Variants in ASAH2 observed in about 807,000 individuals in gnomAD.
The protein encoded by ASAH2 is N-acylsphingosine amidohydrolase 2.
ASAH2 carries 58 observed loss-of-function variants against 82.9 expected under a neutral mutation model. The observed-to-expected ratio is 0.70, with a 90% CI of 0.57 to 0.87. The LOEUF (loss-of-function observed/expected upper bound fraction) is 0.87, where lower values mean the gene tolerates loss of function less well. Among genes scored for constraint, ASAH2 ranks in the 40% least tolerant of loss-of-function variants. ASAH2 has a pLI of 0.00. For missense variants in ASAH2, 779 were observed against 834.0 expected, an observed-to-expected ratio of 0.93 and a Z score of 0.81; for synonymous variants, 276 against 289.7, an observed-to-expected ratio of 0.95 and a Z score of 0.48.
At chr10:50,238,119 C>T in intron 4 of ASAH2, among the ~76,000 whole-genome samples, 1 of 152,290 alleles carries the variant, frequency 6.6e-6, no homozygotes, top group Non-Finnish European at 1.5e-5. Flanking sequence ...AACTCCTCAT[C>T]ATGATCAATT....
chr10:50,203,782 A>G, intron 14 of ASAH2, 103 bp from the exon 15 acceptor site: 1 of 945,788 alleles, frequency 1.1e-6, no homozygotes, highest in Non-Finnish European at 1.7e-6. Flanking sequence ...GGCTCATCAC[A>G]CAATAGTAAA....
chr10:50,236,609 A>G (rs1846165721), intron 4 of ASAH2, among the ~76,000 whole-genome samples: 1 of 152,182 alleles, frequency 6.6e-6, no homozygotes, highest in Admixed American at 6.6e-5. Context: ...CAACAAAATA[A>G]TAATAACAAT....
intron 7 of ASAH2, 96 bp from the exon 8 acceptor site, chr10:50,218,726 A>C: frequency 7.4e-7 from 1 of 1,349,580 alleles, no homozygotes; most frequent in Admixed American, 1.7e-5. Flanking sequence ...CAGCAGGAAA[A>C]AATATTTTTA....
At position 50,204,906 on chromosome 10, in the gene ASAH2, A is replaced by G. The variant is rs1845253975; in HGVS notation, c.1580T>C (p.Ile527Thr). Residue 527 changes from isoleucine to threonine, a missense_variant, in exon 14 of 21, where the codon ATT becomes ACT. Transcript: ENST00000682911. ...WHPDIVDVQIITLGSLAITAI... is the reference protein window; with the variant it reads ...WHPDIVDVQITTLGSLAITAI... ...AGTTATGGCCAAGGACCCAAGGGTAATAATCTGAACATCAACAATGTCTGG... is the reference window on the plus strand; with the variant it reads ...AGTTATGGCCAAGGACCCAAGGGTAGTAATCTGAACATCAACAATGTCTGG... 6.8e-6 allele frequency: 11 copies of G among 1,611,790 alleles called. No individual in the cohort carries two copies. The highest frequency in any genetic ancestry group is 1.7e-5 in the Admixed American group (1 of 59,682).
chr10:50,219,102 C>T (rs1433836296), intron 7 of ASAH2, among the ~76,000 whole-genome samples: 4 of 152,242 alleles, frequency 2.6e-5, no homozygotes, highest in East Asian at 1.9e-4. Context: ...GTGTGACAAA[C>T]GTTGCGAAGA....
intron 6 of ASAH2, 151 bp from the exon 7 acceptor site, chr10:50,233,412 C>A: frequency 1.5e-6 from 1 of 653,504 alleles, no homozygotes; most frequent in East Asian, 2.6e-5. Context: ...GTATCCAGTA[C>A]CTCATTTATC....
intron 7 of ASAH2, among the ~76,000 whole-genome samples, chr10:50,225,044 G>T (rs1339272081): frequency 6.6e-6 from 1 of 152,288 alleles, no homozygotes; most frequent in African/African-American, 2.4e-5. Context: ...AGTGATGTAC[G>T]TTCTCAAGGA....
intron 2 of ASAH2, among the ~76,000 whole-genome samples, chr10:50,246,473 A>G (rs1369863): frequency 0.29 from 43,962 of 152,074 alleles, 6,599 homozygotes; most frequent in Non-Finnish European, 0.31. Flanking sequence ...CCAAGGCATC[A>G]AATATCAGTG....
At chr10:50,223,209 T>C (rs1229053705) in intron 7 of ASAH2, among the ~76,000 whole-genome samples, 1 of 152,306 alleles carries the variant, frequency 6.6e-6, no homozygotes, top group East Asian at 1.9e-4. Context: ...CACTACAATT[T>C]TTTTTTCCTT....
At chr10:50,215,266 A>G (rs1845563649) in intron 8 of ASAH2, among the ~76,000 whole-genome samples, 1 of 151,890 alleles carries the variant, frequency 6.6e-6, no homozygotes, top group South Asian at 2.1e-4. Flanking sequence ...GAAGGGGTCC[A>G]GTTTCGGTTT....
Position 50,203,665 on chromosome 10 carries a change from C to T in ASAH2, c.1640G>A (p.Arg547Gln), listed in dbSNP as rs1159380115. The part of the protein sequence containing the change: ...IPGEFTTMSG[R>Q]RLREAVQAEF... ...TGCTTGAACTGCCTCTCGAAGTCTT[C>T]GTCCAGACATGGTCCTGAGTCAAGA... Residue 547 changes from arginine (R) to glutamine (Q), a missense_variant, in exon 15 of 21, where the codon CGA becomes CAA. Transcript: ENST00000682911. 15 of 1,612,446 alleles carry T rather than the reference C, an allele frequency of 9.3e-6. No individual in the cohort carries two copies. Among genetic ancestry groups the T allele is most frequent in the Middle Eastern group, 1.7e-4 (1 of 6,046 alleles).
rs557637020 is a variant in ASAH2 at position 50,214,870 on chromosome 10, T to G, written c.1015-2A>C. 8.7e-6 allele frequency: 14 copies of G among 1,613,318 alleles called. No individual in the cohort carries two copies. Among genetic ancestry groups the G allele is most frequent in the East Asian group, 2.2e-5 (1 of 44,860 alleles). On this transcript the variant is annotated splice_acceptor_variant, in intron 8 of 20. Coordinates refer to ENST00000682911, the MANE Select transcript of ASAH2 (RefSeq NM_019893.4). LOFTEE classifies it high-confidence loss of function. ...AGCAAAGGCTGCTACAAATGGCCCCTGCCAAAAGAAATGCCAAGTTGCCTT... is the reference window on the plus strand; with the variant it reads ...AGCAAAGGCTGCTACAAATGGCCCCGGCCAAAAGAAATGCCAAGTTGCCTT...
chr10:50,207,246 A>G (rs896859327), intron 12 of ASAH2, among the ~76,000 whole-genome samples: 2 of 151,888 alleles, frequency 1.3e-5, no homozygotes, highest in Non-Finnish European at 2.9e-5. Context: ...TCAAACCAAT[A>G]ACCTAACTTC....
intron 7 of ASAH2, among the ~76,000 whole-genome samples, chr10:50,224,941 T>G (rs2133217951): frequency 6.6e-6 from 1 of 152,270 alleles, no homozygotes; most frequent in South Asian, 2.1e-4. Context: ...TTTAAAAAGA[T>G]AATGAGCTCT....
chr10:50,231,833 G>A (rs1211087260), intron 7 of ASAH2, among the ~76,000 whole-genome samples: 1 of 152,178 alleles, frequency 6.6e-6, no homozygotes, highest in Admixed American at 6.6e-5. Flanking sequence ...GAATTATTCA[G>A]AAGAGGTAGA....
intron 8 of ASAH2, among the ~76,000 whole-genome samples, chr10:50,216,039 T>C (rs1845588297): frequency 6.6e-6 from 1 of 152,024 alleles, no homozygotes; most frequent in East Asian, 1.9e-4. Context: ...GAAACCATCA[T>C]TCTCAGCAAA....
intron 8 of ASAH2, among the ~76,000 whole-genome samples, chr10:50,217,911 G>A (rs1421457734): frequency 6.6e-6 from 1 of 152,134 alleles, no homozygotes; most frequent in Non-Finnish European, 1.5e-5. Flanking sequence ...GATGACTTGA[G>A]GTTAGGAGTT....
chr10:50,227,382 A>G (rs1845914056), intron 7 of ASAH2, among the ~76,000 whole-genome samples: 1 of 152,048 alleles, frequency 6.6e-6, no homozygotes, highest in African/African-American at 2.4e-5. Flanking sequence ...TTTTTATAGT[A>G]TTTTAAAGCT....
chr10:50,236,804 G>C (rs1271878972), intron 4 of ASAH2, among the ~76,000 whole-genome samples: 2 of 152,100 alleles, frequency 1.3e-5, no homozygotes, highest in Admixed American at 1.3e-4. Flanking sequence ...ATAAGTAGCA[G>C]AGCCAGACTC....
Sources: allele counts gnomAD v4.1 joint callset (sites outside exome capture counted in the v4.1 genomes callset), GRCh38; gene constraint gnomAD v4.1.1; transcripts MANE v1.5; gene names NCBI Gene and HGNC (gene_info 2026-07-23, HGNC 2026-07-21).